Variants in PKHD1L1 observed in about 807,000 individuals in gnomAD.
PKHD1L1 encodes the protein fibrocystin-L.
Under a neutral mutation model 462.9 loss-of-function variants are expected in PKHD1L1, and 434 were observed. The ratio of observed to expected loss-of-function variants is 0.94; its 90% CI spans 0.87 to 1.02. The LOEUF (loss-of-function observed/expected upper bound fraction) is 1.02, where lower values mean the gene tolerates loss of function less well. Among genes scored for constraint, PKHD1L1 ranks in the 50% least tolerant of loss-of-function variants. The pLI is 0.00. For missense variants in PKHD1L1, 5,202 were observed against 5,096.1 expected, an observed-to-expected ratio of 1.02 and a Z score of -0.63; for synonymous variants, 1,781 against 1,750.0, an observed-to-expected ratio of 1.02 and a Z score of -0.44.
At chr8:109,413,066 T>A (rs1206797643) in intron 20 of PKHD1L1, among the ~76,000 whole-genome samples, 5 of 152,138 alleles carry the variant, frequency 3.3e-5, no homozygotes, top group Non-Finnish European at 5.9e-5. Flanking sequence ...AATGTTTACC[T>A]CTCTTCTTTT....
chr8:109,406,961 AC>A (rs1293347944), intron 17 of PKHD1L1, among the ~76,000 whole-genome samples: 2 of 152,070 alleles, frequency 1.3e-5, no homozygotes, highest in Non-Finnish European at 2.9e-5. Context: ...AAATCAATTT[AC>A]CTGTGTTTAA....
In PKHD1L1 at chr8:109,439,046, C is replaced by G; in HGVS notation, c.3910C>G (p.His1304Asp). ...CLLPKLSPGK[H>D]DIYVEVRNWG... The stretch of plus-strand genomic sequence containing the variant: ...TTTGCCCAAGTTGTCTCCTGGAAAA[C>G]ATGATATCTATGTAGAAGTCAGAAA... Residue 1304 changes from histidine (H) to aspartate (D), a missense_variant, in exon 32 of 78, where the codon CAT becomes GAT. Physicochemically the swap from His to Asp is moderately conservative, Grantham distance 81 (BLOSUM62 -1). This residue lies in a region of PKHD1L1 where 4,497 missense variants were observed against 4,336.8 expected (regional missense o/e 1.04). Transcript: ENST00000378402. The G allele has an allele frequency of 6.2e-7, 1 of 1,613,518 alleles. No homozygotes were observed. The highest frequency in any genetic ancestry group is 8.5e-7 in the Non-Finnish European group (1 of 1,179,628).
At chr8:109,527,818 C>T (rs747137003) in intron 77 of PKHD1L1, among the ~76,000 whole-genome samples, 2 of 152,174 alleles carry the variant, frequency 1.3e-5, no homozygotes, top group Admixed American at 6.5e-5. Flanking sequence ...ACATCTTCTA[C>T]CAGCCCATCA....
At chr8:109,433,759 T>C (rs1815241296) in intron 28 of PKHD1L1, among the ~76,000 whole-genome samples, 1 of 152,216 alleles carries the variant, frequency 6.6e-6, no homozygotes, top group Admixed American at 6.5e-5. Context: ...TTTTCTTAAC[T>C]TAAATCAATT....
At chr8:109,456,455 G>C in intron 46 of PKHD1L1, 64 bp downstream of exon 46, 3 of 1,432,876 alleles carry the variant, frequency 2.1e-6, no homozygotes, top group Middle Eastern at 1.9e-4. Context: ...TGTATAAAGA[G>C]GGACAATTCA....
chr8:109,373,745 C>T (rs1262456452), intron 2 of PKHD1L1, among the ~76,000 whole-genome samples: 1 of 152,126 alleles, frequency 6.6e-6, no homozygotes, highest in Non-Finnish European at 1.5e-5. Context: ...TTTATTTCTG[C>T]CTTCATTTTA....
rs761767503 is a variant in PKHD1L1 at position 109,515,306 on chromosome 8, G to T, written c.11689+1G>T. Reference sequence around the variant, plus strand: ...GAACTTAATAACCATCTGTACAAAGGTATTGTCTCAGAAAAAATACAGTAC... The same window carrying T: ...GAACTTAATAACCATCTGTACAAAGTTATTGTCTCAGAAAAAATACAGTAC... On this transcript the variant is annotated splice_donor_variant, in intron 72 of 77. Coordinates refer to ENST00000378402, the MANE Select transcript of PKHD1L1 (RefSeq NM_177531.6). LOFTEE classifies it high-confidence loss of function. 2 of 1,559,950 alleles carry T rather than the reference G, an allele frequency of 1.3e-6. No homozygotes were observed. Among genetic ancestry groups the T allele is most frequent in the Non-Finnish European group, 8.7e-7 (1 of 1,154,034 alleles).
intron 59 of PKHD1L1, 103 bp from the exon 60 acceptor site, chr8:109,489,849 T>C: frequency 1.3e-6 from 1 of 742,462 alleles, no homozygotes; most frequent in Non-Finnish European, 2.3e-6. Flanking sequence ...CAAAGAATAA[T>C]GATTTTTTCA....
chr8:109,526,923 T>C lies in PKHD1L1; in HGVS notation c.12624T>C (p.Tyr4208=), dbSNP rs375515875. 6.2e-7 allele frequency: 1 copy of C among 1,613,716 alleles called. No homozygotes were observed. The highest frequency in any genetic ancestry group is 1.3e-5 in the African/African-American group (1 of 75,060). The change falls in exon 77 of 78, where the codon TAT becomes TAC. Residue 4208 remains tyrosine, a synonymous_variant. Transcript: ENST00000378402. The part of the protein sequence containing the change: ...SNSKASTVGT[Y]AQIMTVVISC... ...GCAAAGCATCAACTGTGGGTACATA[T>C]GCCCAGATAATGACTGTAGTAATTA...
Position 109,448,225 on chromosome 8 carries a change from T to C in PKHD1L1, c.5859T>C (p.Ile1953=), listed in dbSNP as rs1168922066. The change falls in exon 39 of 78, where the codon ATT becomes ATC. Residue 1953 remains isoleucine, a synonymous_variant. Coordinates refer to ENST00000378402, the MANE Select transcript of PKHD1L1 (RefSeq NM_177531.6). ...AAATCTCCGTGATGATAAATAACAT[T>C]CAGTGTAATGTAACCATGGCCAATG... ...ILEISVMINN[I]QCNVTMANDS... 7 of 1,613,512 alleles carry C rather than the reference T, an allele frequency of 4.3e-6. No individual in the cohort carries two copies. The highest frequency in any genetic ancestry group is 3.3e-5 in the Admixed American group (2 of 59,954).
At chr8:109,412,160 A>C (rs1180841720) in intron 19 of PKHD1L1, 105 bp from the exon 20 acceptor site, 3 of 1,097,146 alleles carry the variant, frequency 2.7e-6, no homozygotes, top group East Asian at 2.5e-5. Context: ...GTAATCAGGG[A>C]AACAATGGGA....
At position 109,404,680 on chromosome 8, in the gene PKHD1L1, C is replaced by A. The variant is rs1813440337; in HGVS notation, c.1500C>A (p.Ile500=). The A allele has an allele frequency of 6.2e-7, 1 of 1,607,122 alleles. No homozygotes were observed. The highest frequency in any genetic ancestry group is 8.5e-7 in the Non-Finnish European group (1 of 1,176,622). The change falls in exon 15 of 78, where the codon ATC becomes ATA. Residue 500 remains isoleucine (I), a synonymous_variant. Transcript: ENST00000378402. The stretch of plus-strand genomic sequence containing the variant: ...ATGCAGTGAATGAAGAACAAGTTAT[C>A]AAATCCCAGTCGACAATCCTCCAGG... ...TGDAVNEEQV[I]KSQSTILQEV...
chr8:109,379,590 T>C (rs1812007074), intron 2 of PKHD1L1, among the ~76,000 whole-genome samples: 1 of 152,172 alleles, frequency 6.6e-6, no homozygotes, highest in African/African-American at 2.4e-5. Flanking sequence ...TGCTGTTGTT[T>C]TGTAATAGAC....
intron 71 of PKHD1L1, among the ~76,000 whole-genome samples, chr8:109,512,722 G>A (rs1451445075): frequency 1.1e-4 from 16 of 152,010 alleles, no homozygotes; most frequent in Non-Finnish European, 1.2e-4. Context: ...GTTTTTTCCA[G>A]TTCTGTGAAG....
intron 17 of PKHD1L1, among the ~76,000 whole-genome samples, chr8:109,407,814 G>A (rs73319405): frequency 0.032 from 4,936 of 152,120 alleles, 280 homozygotes; most frequent in African/African-American, 0.11. Context: ...TATAGAAACA[G>A]CACCTTAAAT....
At chr8:109,383,666 T>A (rs1812288217) in intron 4 of PKHD1L1, among the ~76,000 whole-genome samples, 1 of 151,580 alleles carries the variant, frequency 6.6e-6, no homozygotes, top group African/African-American at 2.4e-5. Context: ...TATCTCTGGC[T>A]TTCTTCTGTT....
At chr8:109,468,813 A>G (rs1817576165) in intron 50 of PKHD1L1, among the ~76,000 whole-genome samples, 1 of 152,146 alleles carries the variant, frequency 6.6e-6, no homozygotes. Flanking sequence ...TTCTTTCCTT[A>G]GTATAATCGG....
In PKHD1L1 at chr8:109,401,606, C is replaced by G. The variant is rs1283830052; in HGVS notation, c.1373+18C>G. The G allele has an allele frequency of 7.8e-7, 1 of 1,287,648 alleles. No homozygotes were observed. The highest frequency in any genetic ancestry group is 1.5e-5 in the African/African-American group (1 of 67,746). The allele number at this position is 1,287,648 out of a possible 1,614,324, so 79.8% of individuals were successfully genotyped here. On this transcript the variant is annotated intron_variant, in intron 14 of 77. Transcript: ENST00000378402. ...GGAAAAGAGTAAGGCTTTTTCCTGT[C>G]ATTAAATTACTGTGTGGTATTTATA...
At chr8:109,405,809 A>G (rs1436886659) in intron 16 of PKHD1L1, among the ~76,000 whole-genome samples, 1 of 152,188 alleles carries the variant, frequency 6.6e-6, no homozygotes, top group African/African-American at 2.4e-5. Context: ...ACGTTTACCT[A>G]TGTAACAAAC....
Sources: allele counts gnomAD v4.1 joint callset (sites outside exome capture counted in the v4.1 genomes callset), GRCh38; gene constraint gnomAD v4.1.1; regional missense constraint gnomAD v4.1.1; transcripts MANE v1.5; gene names NCBI Gene and HGNC (gene_info 2026-07-23, HGNC 2026-07-21).